The following ST6GALNAC3 variants were observed in gnomAD, a reference collection of about 807,000 sequenced individuals.
ST6GALNAC3 encodes alpha-N-acetylgalactosaminide alpha-2,6-sialyltransferase 3.
Under a neutral mutation model 32.7 loss-of-function variants are expected in ST6GALNAC3, and 25 were observed. The observed-to-expected ratio is 0.76, with a 90% CI of 0.56 to 1.07. The LOEUF (loss-of-function observed/expected upper bound fraction) is 1.07, where lower values mean the gene tolerates loss of function less well. Among genes scored for constraint, ST6GALNAC3 ranks in the 50% least tolerant of loss-of-function variants. ST6GALNAC3 has a pLI of 0.00. For synonymous variants in ST6GALNAC3, 129 were observed against 133.1 expected (o/e 0.97, Z 0.21); for missense variants, 355 against 382.4 (o/e 0.93, Z 0.60).
intron 3 of ST6GALNAC3, among the ~76,000 whole-genome samples, chr1:76,472,509 A>G (rs906796271): frequency 6.6e-6 from 1 of 152,124 alleles, no homozygotes; most frequent in Non-Finnish European, 1.5e-5. Context: ...TAGTCTGGTG[A>G]GTGAGATGTG....
chr1:76,368,445 T>C (rs17627490), intron 2 of ST6GALNAC3, among the ~76,000 whole-genome samples: 29,497 of 151,346 alleles, frequency 0.19, 3,500 homozygotes, highest in Admixed American at 0.31. Flanking sequence ...AGGTTATTTT[T>C]TGAGGGCAGA....
intron 1 of ST6GALNAC3, among the ~76,000 whole-genome samples, chr1:76,288,692 A>ATT (rs1659911651): frequency 2.0e-5 from 3 of 152,290 alleles, no homozygotes; most frequent in Admixed American, 2.0e-4. Flanking sequence ...ATAAGATTCA[A>ATT]TTTTATTCTA....
At chr1:76,595,872 G>C (rs972833858) in intron 3 of ST6GALNAC3, among the ~76,000 whole-genome samples, 3 of 152,052 alleles carry the variant, frequency 2.0e-5, no homozygotes, top group Non-Finnish European at 4.4e-5. Flanking sequence ...AGGGCAATGG[G>C]GGTGTCCTGT....
intron 1 of ST6GALNAC3, among the ~76,000 whole-genome samples, chr1:76,093,965 A>G (rs1307912429): frequency 2.6e-5 from 4 of 152,198 alleles, no homozygotes; most frequent in Admixed American, 2.6e-4. Flanking sequence ...GCATGCATTC[A>G]TAAGTTGTTT....
At chr1:76,491,716 A>G (rs969398468) in intron 3 of ST6GALNAC3, among the ~76,000 whole-genome samples, 1 of 152,118 alleles carries the variant, frequency 6.6e-6, no homozygotes, top group East Asian at 1.9e-4. Context: ...CCAAATTTCC[A>G]AGAGATTTTG....
intron 1 of ST6GALNAC3, among the ~76,000 whole-genome samples, chr1:76,231,593 A>G (rs897029157): frequency 6.6e-6 from 1 of 152,184 alleles, no homozygotes; most frequent in Non-Finnish European, 1.5e-5. Context: ...AAATCATGCT[A>G]TATCTTTATG....
chr1:76,398,813 T>A (rs1653185757), intron 2 of ST6GALNAC3, among the ~76,000 whole-genome samples: 1 of 152,190 alleles, frequency 6.6e-6, no homozygotes, highest in Non-Finnish European at 1.5e-5. Context: ...TTCAAAAGTG[T>A]TAATGAAAAG....
intron 3 of ST6GALNAC3, among the ~76,000 whole-genome samples, chr1:76,462,403 T>C (rs1233945895): frequency 6.6e-6 from 1 of 152,168 alleles, no homozygotes; most frequent in Non-Finnish European, 1.5e-5. Context: ...TTAGACTGCC[T>C]TGTGCATTCT....
chr1:76,119,386 T>C (rs545728759), intron 1 of ST6GALNAC3, among the ~76,000 whole-genome samples: 2 of 152,360 alleles, frequency 1.3e-5, no homozygotes, highest in African/African-American at 4.8e-5. Context: ...TACTCTATAA[T>C]GGTCCCATTC....
At chr1:76,291,441 C>A (rs1409599573) in intron 1 of ST6GALNAC3, among the ~76,000 whole-genome samples, 1 of 152,172 alleles carries the variant, frequency 6.6e-6, no homozygotes, top group Non-Finnish European at 1.5e-5. Context: ...CCCAGCCCAG[C>A]CGGGACACTC....
chr1:76,088,675 A>C (rs1289333295), intron 1 of ST6GALNAC3, among the ~76,000 whole-genome samples: 3 of 152,168 alleles, frequency 2.0e-5, no homozygotes, highest in Non-Finnish European at 4.4e-5. Flanking sequence ...AGTAAATAAG[A>C]TCATGGCAGC....
At chr1:76,165,493 T>C (rs1652065722) in intron 1 of ST6GALNAC3, among the ~76,000 whole-genome samples, 1 of 152,166 alleles carries the variant, frequency 6.6e-6, no homozygotes, top group Non-Finnish European at 1.5e-5. Flanking sequence ...TGTGCATGTG[T>C]CTTTTATAAT....
chr1:76,444,446 G>T (rs1014368744), intron 3 of ST6GALNAC3, among the ~76,000 whole-genome samples: 4 of 152,334 alleles, frequency 2.6e-5, no homozygotes, highest in Non-Finnish European at 5.9e-5. Context: ...GCAAGTTCAT[G>T]AAACACTGTA....
At chr1:76,154,643 T>A (rs1438800683) in intron 1 of ST6GALNAC3, among the ~76,000 whole-genome samples, 1 of 152,158 alleles carries the variant, frequency 6.6e-6, no homozygotes. Context: ...CTGGTTGCAA[T>A]GTGGCCGTAG....
At chr1:76,574,290 C>A (rs1022587270) in intron 3 of ST6GALNAC3, among the ~76,000 whole-genome samples, 1 of 98,098 alleles carries the variant, frequency 1.0e-5, no homozygotes, top group Non-Finnish European at 2.4e-5. Flanking sequence ...GTCTTATAAG[C>A]CTTGTTTCTA....
chr1:76,262,565 G>T (rs1658300259), intron 1 of ST6GALNAC3, among the ~76,000 whole-genome samples: 1 of 152,166 alleles, frequency 6.6e-6, no homozygotes, highest in Non-Finnish European at 1.5e-5. Flanking sequence ...TCAAGAGGCT[G>T]GTCTGGCTGT....
intron 3 of ST6GALNAC3, among the ~76,000 whole-genome samples, chr1:76,439,555 C>T (rs1222336767): frequency 4.6e-5 from 7 of 152,230 alleles, no homozygotes; most frequent in African/African-American, 1.7e-4. Flanking sequence ...CATCTACCCA[C>T]TTTCCTTTCC....
intron 2 of ST6GALNAC3, among the ~76,000 whole-genome samples, chr1:76,323,069 T>C (rs934279995): frequency 2.0e-5 from 3 of 152,174 alleles, no homozygotes; most frequent in African/African-American, 7.2e-5. Flanking sequence ...TGTTTCATAA[T>C]ATGTGTATTT....
At chr1:76,518,668 C>T (rs1426492050) in intron 3 of ST6GALNAC3, among the ~76,000 whole-genome samples, 2 of 152,104 alleles carry the variant, frequency 1.3e-5, no homozygotes, top group East Asian at 1.9e-4. Flanking sequence ...TACTTCCCTG[C>T]CCCTTCCTGT....
Sources: gnomAD v4.1 joint callset for allele counts (sites outside exome capture counted in the v4.1 genomes callset) on GRCh38, gnomAD v4.1.1 for gene constraint, MANE v1.5 for transcripts, NCBI Gene and HGNC (gene_info 2026-07-23, HGNC 2026-07-21) for gene names.